The following ACSM6 variants were observed in gnomAD, a reference collection of about 807,000 sequenced individuals.
The protein encoded by ACSM6 is acyl-CoA synthetase medium chain family member 6.
ACSM6 carries 35 observed loss-of-function variants against 51.1 expected under a neutral mutation model. The ratio of observed to expected loss-of-function variants is 0.69; its 90% CI spans 0.52 to 0.91. ACSM6 has a LOEUF of 0.91. ACSM6 is among the 40% of genes least tolerant of loss of function. The pLI is 0.00. For synonymous variants in ACSM6, 172 were observed against 207.3 expected, an observed-to-expected ratio of 0.83 and a Z score of 1.46; for missense variants, 509 against 584.1, an observed-to-expected ratio of 0.87 and a Z score of 1.32.
intron 3 of ACSM6, among the ~76,000 whole-genome samples, chr10:95,205,552 A>G (rs914116208): frequency 6.6e-6 from 1 of 152,154 alleles, no homozygotes; most frequent in Non-Finnish European, 1.5e-5. Context: ...ATCACCTTGG[A>G]GTTTAGAATC....
intron 9 of ACSM6, among the ~76,000 whole-genome samples, 165 bp downstream of exon 9, chr10:95,220,136 C>A (rs1238912685): frequency 2.6e-5 from 4 of 152,110 alleles, no homozygotes; most frequent in Admixed American, 1.3e-4. Context: ...CCTCAATATC[C>A]TTTTGGAATA....
chr10:95,194,351 C>T, intron 1 of ACSM6, 48 bp downstream of exon 1: 1 of 797,272 alleles, frequency 1.3e-6, no homozygotes, highest in South Asian at 1.9e-5. Context: ...CTGACTGTTG[C>T]TTGTACTCAT....
intron 4 of ACSM6, among the ~76,000 whole-genome samples, chr10:95,207,880 C>G (rs1171195190): frequency 6.6e-6 from 1 of 152,130 alleles, no homozygotes; most frequent in African/African-American, 2.4e-5. Flanking sequence ...GAGGCTCATG[C>G]CTGTAATCCT....
chr10:95,228,663 C>A, exon 11 of ACSM6: 1 of 1,551,516 alleles, frequency 6.4e-7, no homozygotes, highest in Non-Finnish European at 8.7e-7. Context: ...GAGGAATATG[C>A]TTCAGCAAGA....
Position 95,197,629 on chromosome 10 carries a change from T to C in ACSM6, c.192+2952T>C, listed in dbSNP as rs975718442. Among the ~76,000 whole-genome samples, 119 of 151,992 alleles carry C rather than the reference T, an allele frequency of 7.8e-4. 1 individual carries two copies. The highest frequency in any genetic ancestry group is 2.3e-3 in the African/African-American group (94 of 41,410). ...CTCCCACCATAGGGCGGTTTTTCTC[T>C]CATCTCAGAATTGAACAAATGTACA... On this transcript the variant is annotated intron_variant, in intron 2 of 10. Coordinates refer to ENST00000341686, the Ensembl canonical transcript of ACSM6.
chr10:95,225,611 C>A, intron 10 of ACSM6: 1 of 422,162 alleles, frequency 2.4e-6, no homozygotes, highest in Non-Finnish European at 4.2e-6. Context: ...TTTGATGAGA[C>A]ATTTGGGAGT....
chr10:95,202,016 G>C lies in ACSM6; in HGVS notation c.224G>C (p.Trp75Ser), dbSNP rs921297291. The change falls in exon 3 of 11, where the codon TGG becomes TCG. Residue 75 changes from tryptophan (W) to serine (S), a missense_variant. Transcript: ENST00000341686. ...CTCAGAGGGCCTTACCCCGCCCTCT[G>C]GAAGGTTAGTGCCAAAGGAGAAGAG... is the stretch of plus-strand genomic sequence containing the variant. 1.9e-6 allele frequency: 3 copies of C among 1,551,718 alleles called. No homozygotes were observed. The Admixed American group carries it at 5.9e-5, about 30-fold the overall frequency.
chr10:95,202,995 C>A (rs1422149839), intron 3 of ACSM6, among the ~76,000 whole-genome samples: 1 of 151,422 alleles, frequency 6.6e-6, no homozygotes, highest in East Asian at 1.9e-4. Flanking sequence ...GCGTCCTCTA[C>A]CTCAGTCTGT....
chr10:95,204,654 C>T (rs2034825674), intron 3 of ACSM6, among the ~76,000 whole-genome samples: 1 of 151,972 alleles, frequency 6.6e-6, no homozygotes, highest in Non-Finnish European at 1.5e-5. Flanking sequence ...TGTTTGAAAA[C>T]GTTAAATGTC....
intron 10 of ACSM6, 152 bp downstream of exon 10, chr10:95,225,543 C>T: frequency 1.9e-6 from 1 of 535,668 alleles, no homozygotes; most frequent in African/African-American, 1.9e-5. Flanking sequence ...AATAGTAGCA[C>T]TCACCTACAT....
chr10:95,224,817 A>G (rs1227029467), intron 9 of ACSM6, among the ~76,000 whole-genome samples: 1 of 152,178 alleles, frequency 6.6e-6, no homozygotes, highest in African/African-American at 2.4e-5. Flanking sequence ...CTGTTTTTAA[A>G]TTTTCATGTT....
At chr10:95,201,417 C>T (rs769434461) in intron 2 of ACSM6, 3 of 448,734 alleles carry the variant, frequency 6.7e-6, no homozygotes, top group African/African-American at 4.0e-5. Context: ...ATTTGATTTT[C>T]TGTTTCTGAG....
intron 6 of ACSM6, 28 bp from the exon 7 acceptor site, chr10:95,212,829 AT>A (rs2034906657): frequency 6.4e-7 from 1 of 1,550,450 alleles, no homozygotes; most frequent in Non-Finnish European, 8.9e-7. Flanking sequence ...TCACATGCAG[AT>A]TTTGTTTTTC....
chr10:95,197,750 A>G (rs1410528045), intron 2 of ACSM6, among the ~76,000 whole-genome samples: 9 of 152,130 alleles, frequency 5.9e-5, no homozygotes, highest in African/African-American at 1.4e-4. Context: ...TCTTTTACTA[A>G]TCCACCTCAG....
intron 2 of ACSM6, 46 bp downstream of exon 2, chr10:95,194,723 T>C (rs1277151278): frequency 3.4e-6 from 5 of 1,478,478 alleles, no homozygotes; most frequent in Non-Finnish European, 4.6e-6. Flanking sequence ...CCAAGGCCAG[T>C]TGGTAAAGCG....
intron 2 of ACSM6, 66 bp downstream of exon 2, chr10:95,194,743 C>T (rs953823126): frequency 3.4e-5 from 47 of 1,402,464 alleles, no homozygotes; most frequent in Non-Finnish European, 4.2e-5. Flanking sequence ...GTCCAAAGAT[C>T]ATGAGATTCA....
chr10:95,228,212 G>A (rs1019285545), intron 10 of ACSM6: 1 of 154,132 alleles, frequency 6.5e-6, no homozygotes, highest in African/African-American at 2.4e-5. Flanking sequence ...ACCTTTTTCT[G>A]ATGGAATTTT....
intron 2 of ACSM6, among the ~76,000 whole-genome samples, chr10:95,201,087 G>T (rs2034789687): frequency 1.3e-5 from 2 of 152,174 alleles, no homozygotes; most frequent in Non-Finnish European, 2.9e-5. Flanking sequence ...TGGAAGACAG[G>T]TATATTTGAA....
At chr10:95,197,102 G>A (rs2034733985) in intron 2 of ACSM6, among the ~76,000 whole-genome samples, 1 of 152,198 alleles carries the variant, frequency 6.6e-6, no homozygotes, top group Admixed American at 6.5e-5. Context: ...ATGGCATCGT[G>A]TGGTAGGGTG....
Sources: allele counts gnomAD v4.1 joint callset (sites outside exome capture counted in the v4.1 genomes callset), GRCh38; gene constraint gnomAD v4.1.1; transcripts MANE v1.5; gene names NCBI Gene and HGNC (gene_info 2026-07-23, HGNC 2026-07-21).